Variants in CYFIP1 observed in about 807,000 individuals in gnomAD.
CYFIP1 encodes the protein cytoplasmic FMR1 interacting protein 1.
CYFIP1 carries 58 observed loss-of-function variants against 163.5 expected under a neutral mutation model. The ratio of observed to expected loss-of-function variants is 0.35; its 90% CI spans 0.29 to 0.44. CYFIP1 has a LOEUF of 0.44. Among genes scored for constraint, CYFIP1 ranks in the 20% least tolerant of loss-of-function variants. CYFIP1 has a pLI of 1.00. For missense variants in CYFIP1, 1,338 were observed against 1,653.8 expected, an observed-to-expected ratio of 0.81 and a Z score of 3.31; for synonymous variants, 663 against 660.7, an observed-to-expected ratio of 1.00 and a Z score of -0.05.
Position 22,892,983 on chromosome 15 carries a change from C to T in CYFIP1, c.2589-6G>A. On this transcript the variant is annotated splice_polypyrimidine_tract_variant and splice_region_variant and intron_variant, in intron 22 of 30. Transcript: ENST00000617928. ...GTAACACTGTCCGAACAAACCTAAA[C>T]AAGAAAGATTTAAAAAAGAAAAAGA... 1 of 1,605,644 alleles carries T rather than the reference C, an allele frequency of 6.2e-7. No individual in the cohort carries two copies. Among genetic ancestry groups the T allele is most frequent in the Non-Finnish European group, 8.5e-7 (1 of 1,174,428 alleles).
chr15:22,879,693 GA>G (rs1469958662), intron 26 of CYFIP1, among the ~76,000 whole-genome samples: 3 of 149,424 alleles, frequency 2.0e-5, no homozygotes, highest in African/African-American at 4.9e-5. Context: ...CGTTAACACA[GA>G]AAAACATTCT....
In CYFIP1 at chr15:22,867,101, T is replaced by G. The variant is rs1889438983; in HGVS notation, c.*2927A>C. 2.1e-6 allele frequency: 1 copy of G among 485,758 alleles called. No individual in the cohort carries two copies. Among genetic ancestry groups the G allele is most frequent in the Non-Finnish European group, 3.6e-6 (1 of 278,866 alleles). 30.1% of individuals were successfully genotyped at this position (485,758 alleles called of 1,614,324 possible). A position where few individuals can be genotyped will look rare whatever the true frequency, so the allele number is the denominator to read the frequency against. The stretch of plus-strand genomic sequence containing the variant: ...AGAAGTATTTTACATTTTCATCCCT[T>G]CTCCAAAAGCCGAATGCACTAATGA... On this transcript the variant is annotated 3_prime_UTR_variant, in exon 31 of 31. Transcript: ENST00000617928.
chr15:22,916,395 G>C (rs1017342086), intron 16 of CYFIP1, 82 bp downstream of exon 16: 3 of 1,074,246 alleles, frequency 2.8e-6, no homozygotes, highest in Non-Finnish European at 4.1e-6. Flanking sequence ...GTAGGGGGTG[G>C]TCAGGCGGGC....
chr15:22,961,070 G>C (rs955421761), intron 1 of CYFIP1, among the ~76,000 whole-genome samples: 3 of 151,732 alleles, frequency 2.0e-5, no homozygotes, highest in Non-Finnish European at 2.9e-5. Context: ...ACCCAGGCTG[G>C]AGTGCAAGTG....
In CYFIP1 at chr15:22,867,112, C is replaced by T. The variant is rs1473680294; in HGVS notation, c.*2916G>A. 1.0e-5 allele frequency: 5 copies of T among 481,474 alleles called. No homozygotes were observed. The highest frequency in any genetic ancestry group is 4.5e-5 in the South Asian group (1 of 22,212). The allele number at this position is 481,474 out of a possible 1,614,324, so 29.8% of individuals were successfully genotyped here. On this transcript the variant is annotated 3_prime_UTR_variant, in exon 31 of 31. Transcript: ENST00000617928. ...ACATTTTCATCCCTTCTCCAAAAGC[C>T]GAATGCACTAATGACAGTTTTAAGT... is the stretch of plus-strand genomic sequence containing the variant.
intron 22 of CYFIP1, among the ~76,000 whole-genome samples, chr15:22,897,363 GACTT>G (rs1439474919): frequency 2.0e-5 from 3 of 152,134 alleles, no homozygotes; most frequent in Middle Eastern, 3.4e-3. Flanking sequence ...GCAGGCAGTT[GACTT>G]ACTTGTCAAT....
chr15:22,939,157 G>C (rs199639692), intron 8 of CYFIP1, 35 bp downstream of exon 8: 1 of 1,613,322 alleles, frequency 6.2e-7, no homozygotes, highest in South Asian at 1.1e-5. Flanking sequence ...GCTGTCCCTC[G>C]GCAGTGCCAC....
Position 22,917,763 on chromosome 15 carries a change from C to T in CYFIP1, c.1674+25G>A, listed in dbSNP as rs1482757464. 1.9e-6 allele frequency: 3 copies of T among 1,576,548 alleles called. No individual in the cohort carries two copies. The highest frequency in any genetic ancestry group is 2.6e-6 in the Non-Finnish European group (3 of 1,161,508). ...GGTGGGTCCCCCCAGGGAGAGGGTGCAGGCGGGGCTCAAGGGACGAGAACC... is the reference window on the plus strand; with the variant it reads ...GGTGGGTCCCCCCAGGGAGAGGGTGTAGGCGGGGCTCAAGGGACGAGAACC... On this transcript the variant is annotated intron_variant, in intron 15 of 30. Coordinates refer to ENST00000617928, the MANE Select transcript of CYFIP1 (RefSeq NM_014608.6). The surrounding 1 kb of genome is among the most constrained non-coding windows in gnomAD (Gnocchi z 4.2).
At chr15:22,928,077 C>T in intron 11 of CYFIP1, 49 bp from the exon 12 acceptor site, 2 of 1,445,562 alleles carry the variant, frequency 1.4e-6, no homozygotes, top group Non-Finnish European at 1.8e-6. Context: ...CCCCACCCAG[C>T]TCCCCCCATC....
intron 1 of CYFIP1, among the ~76,000 whole-genome samples, chr15:22,973,647 C>G (rs1424662221): frequency 6.6e-6 from 1 of 152,064 alleles, no homozygotes; most frequent in Non-Finnish European, 1.5e-5. Context: ...TCTTTCTGTG[C>G]CTGGCTTATT....
intron 21 of CYFIP1, among the ~76,000 whole-genome samples, chr15:22,908,584 C>T (rs1011390678): frequency 1.6e-5 from 2 of 123,344 alleles, no homozygotes; most frequent in African/African-American, 6.5e-5. Flanking sequence ...GGCTGGAGTG[C>T]AGTGGCGCGA....
chr15:22,904,670 T>C (rs1276599087), intron 21 of CYFIP1: 2 of 152,240 alleles, frequency 1.3e-5, no homozygotes, highest in African/African-American at 2.4e-5. Context: ...TCTATTTCTA[T>C]TGGACAGTAA....
At chr15:22,878,897 G>A (rs2141861282) in intron 26 of CYFIP1, among the ~76,000 whole-genome samples, 1 of 152,300 alleles carries the variant, frequency 6.6e-6, no homozygotes, top group East Asian at 1.9e-4. Flanking sequence ...AGCACTTTGG[G>A]AGACCAAGGC....
chr15:22,970,288 A>T (rs1224172844), intron 1 of CYFIP1, among the ~76,000 whole-genome samples: 1 of 152,224 alleles, frequency 6.6e-6, no homozygotes, highest in Admixed American at 6.5e-5. Context: ...CACTGCTGAA[A>T]GAAATTAAAT....
rs538123056 is a variant in CYFIP1 at position 22,914,650 on chromosome 15, G to A, written c.1985+76C>T. 32 of 1,448,660 alleles carry A rather than the reference G, an allele frequency of 2.2e-5. No individual in the cohort carries two copies. The East Asian group carries it at 5.8e-4, about 26-fold the overall frequency. 89.7% of individuals were successfully genotyped at this position (1,448,660 alleles called of 1,614,324 possible). A position where few individuals can be genotyped will look rare whatever the true frequency, so the allele number is the denominator to read the frequency against. ...CAAATACAATACTAAAAACAGTCCC[G>A]GCCTCTCCGCCACCTCCTCTGAGGA... On this transcript the variant is annotated intron_variant, in intron 17 of 30. Coordinates refer to ENST00000617928, the MANE Select transcript of CYFIP1 (RefSeq NM_014608.6).
chr15:22,976,398 C>T (rs868378700), intron 1 of CYFIP1, among the ~76,000 whole-genome samples: 2 of 152,248 alleles, frequency 1.3e-5, no homozygotes, highest in Admixed American at 6.5e-5. Context: ...CCTTGTGATC[C>T]GCCCGCCTCG....
At chr15:22,961,455 T>C (rs1237213072) in intron 1 of CYFIP1, among the ~76,000 whole-genome samples, 1 of 152,234 alleles carries the variant, frequency 6.6e-6, no homozygotes, top group African/African-American at 2.4e-5. Flanking sequence ...AACAGCTTAC[T>C]GCAGCCTCAA....
chr15:22,937,221 A>G lies in CYFIP1; in HGVS notation c.796-13T>C. 1 of 1,485,188 alleles carries G rather than the reference A, an allele frequency of 6.7e-7. No individual in the cohort carries two copies. The highest frequency in any genetic ancestry group is 9.4e-7 in the Non-Finnish European group (1 of 1,062,570). The allele number at this position is 1,485,188 out of a possible 1,614,324, so 92.0% of individuals were successfully genotyped here. On this transcript the variant is annotated splice_polypyrimidine_tract_variant and intron_variant, in intron 8 of 30. Coordinates refer to ENST00000617928, the MANE Select transcript of CYFIP1 (RefSeq NM_014608.6). ...CAAATCCCATGACCTGAAAAGCCAC[A>G]AAATGAATGATGCGACAAAGCTCAG...
chr15:22,979,150 C>G (rs1377063275), intron 1 of CYFIP1, among the ~76,000 whole-genome samples: 1 of 152,146 alleles, frequency 6.6e-6, no homozygotes, highest in African/African-American at 2.4e-5. Context: ...ACTGGCCCTA[C>G]GAGTGCACAC....
Sources: gnomAD v4.1 joint callset for allele counts (sites outside exome capture counted in the v4.1 genomes callset) on GRCh38, gnomAD v4.1.1 for gene constraint, Gnocchi (gnomAD v3.1) non-coding constraint, MANE v1.5 for transcripts, NCBI Gene and HGNC (gene_info 2026-07-23, HGNC 2026-07-21) for gene names.